Variants in RGS7 observed in about 807,000 individuals in gnomAD.
The protein encoded by RGS7 is regulator of G protein signaling 7.
In RGS7, 27 loss-of-function variants were observed where a neutral mutation model predicts 81.1. The observed-to-expected ratio is 0.33, with a 90% CI of 0.25 to 0.46. The LOEUF (loss-of-function observed/expected upper bound fraction) is 0.46. Ranked by LOEUF, RGS7 falls within the 20% of genes least tolerant of loss-of-function variation. The pLI, the probability that RGS7 is intolerant of heterozygous loss-of-function variation, is 1.00. For missense variants in RGS7, 396 were observed against 607.4 expected (o/e 0.65, Z 3.66); for synonymous variants, 208 against 207.7 (o/e 1.00, Z -0.01).
At chr1:241,343,455 T>C (rs979521725) in intron 2 of RGS7, among the ~76,000 whole-genome samples, 1 of 152,158 alleles carries the variant, frequency 6.6e-6, no homozygotes, top group South Asian at 2.1e-4. Flanking sequence ...ATAAACAAAA[T>C]GCAGTAAATA....
intron 2 of RGS7, among the ~76,000 whole-genome samples, chr1:241,116,653 A>AT (rs897039175): frequency 4.6e-5 from 7 of 152,016 alleles, no homozygotes; most frequent in Non-Finnish European, 8.8e-5. Context: ...CATTCTGTAA[A>AT]TTTTTTTTAG....
At chr1:240,797,615 G>C (rs1371153011) in intron 18 of RGS7, among the ~76,000 whole-genome samples, 1 of 152,150 alleles carries the variant, frequency 6.6e-6, no homozygotes, top group African/African-American at 2.4e-5. Flanking sequence ...GCCTCTCAAA[G>C]TGCTGGGATT....
chr1:241,107,439 A>G (rs1278369627), intron 2 of RGS7, among the ~76,000 whole-genome samples: 4 of 152,206 alleles, frequency 2.6e-5, no homozygotes, highest in African/African-American at 7.2e-5. Flanking sequence ...GGAAAGGCTG[A>G]AAGGTGCCAT....
chr1:240,940,608 G>C (rs927278338), intron 4 of RGS7, among the ~76,000 whole-genome samples: 10 of 152,112 alleles, frequency 6.6e-5, no homozygotes, highest in African/African-American at 2.2e-4. Flanking sequence ...GGAAATCTGC[G>C]GAGTATAGAT....
chr1:241,234,039 A>G lies in RGS7; in HGVS notation c.78+121660T>C, dbSNP rs558591541. Among the ~76,000 whole-genome samples the G allele has an allele frequency of 3.7e-4, 57 of 152,214 alleles. 1 individual carries two copies. The highest frequency in any genetic ancestry group is 1.2e-3 in the African/African-American group (51 of 41,536). On this transcript the variant is annotated intron_variant, in intron 2 of 18. Transcript: ENST00000440928. The stretch of plus-strand genomic sequence containing the variant: ...TACCCTGCAACCTTATGATGTTTTT[A>G]CTTAAATTTAATTTCAACCTCAAGT...
intron 10 of RGS7, among the ~76,000 whole-genome samples, chr1:240,821,324 T>C (rs61832422): frequency 6.6e-6 from 1 of 152,048 alleles, no homozygotes; most frequent in South Asian, 2.1e-4. Flanking sequence ...TGGTGGCACA[T>C]GCCTGTAGTC....
intron 3 of RGS7, among the ~76,000 whole-genome samples, chr1:241,007,285 C>T (rs1277501022): frequency 2.0e-5 from 3 of 152,068 alleles, no homozygotes; most frequent in African/African-American, 7.2e-5. Flanking sequence ...AACACATTAT[C>T]GTAAGAACAC....
At chr1:240,956,865 G>A (rs545842230) in intron 4 of RGS7, among the ~76,000 whole-genome samples, 4 of 151,552 alleles carry the variant, frequency 2.6e-5, no homozygotes, top group Admixed American at 6.6e-5. Flanking sequence ...AAAAAAAAAC[G>A]TTAAACAAAT....
At chr1:240,828,322 G>A (rs1175835930) in intron 9 of RGS7, among the ~76,000 whole-genome samples, 1 of 152,064 alleles carries the variant, frequency 6.6e-6, no homozygotes, top group African/African-American at 2.4e-5. Context: ...AGAGGGGAAG[G>A]GAGAGAACAT....
Position 241,084,198 on chromosome 1 carries a change from A to G in RGS7, c.175+14468T>C, listed in dbSNP as rs184102386. ...GCCTACGTTAATTAATCATCTTTCC[A>G]TAACACTGAGACATATTCATCCAAC... On this transcript the variant is annotated intron_variant, in intron 3 of 18. Transcript: ENST00000440928. Among the ~76,000 whole-genome samples, 181 of 152,300 alleles carry G rather than the reference A, an allele frequency of 1.2e-3. 3 individuals are homozygous for G. Among genetic ancestry groups the G allele is most frequent in the Admixed American group, 0.01 (160 of 15,292 alleles).
chr1:241,180,267 C>T (rs999626247), intron 2 of RGS7, among the ~76,000 whole-genome samples: 3 of 151,836 alleles, frequency 2.0e-5, no homozygotes, highest in Admixed American at 6.6e-5. Flanking sequence ...CTCAGCTACT[C>T]GGGAGGCTGA....
intron 6 of RGS7, among the ~76,000 whole-genome samples, chr1:240,901,903 T>G (rs1335167017): frequency 1.3e-5 from 2 of 152,242 alleles, no homozygotes; most frequent in Admixed American, 6.5e-5. Flanking sequence ...ATATTTTCTC[T>G]GATACACCTA....
chr1:240,998,724 G>A (rs979724227), intron 3 of RGS7: 30 of 950,894 alleles, frequency 3.2e-5, no homozygotes, highest in Admixed American at 7.0e-5. Context: ...CTTATTCTCC[G>A]TGACGGTCAC....
intron 2 of RGS7, among the ~76,000 whole-genome samples, chr1:241,336,275 A>G (rs1391176870): frequency 1.3e-5 from 2 of 152,208 alleles, no homozygotes. Context: ...GACTTCATTT[A>G]GCACTAAGTC....
At chr1:241,196,407 G>C (rs1394102297) in intron 2 of RGS7, among the ~76,000 whole-genome samples, 1 of 152,044 alleles carries the variant, frequency 6.6e-6, no homozygotes, top group East Asian at 1.9e-4. Flanking sequence ...CCATCTGTTT[G>C]AAGTCATCAG....
intron 3 of RGS7, among the ~76,000 whole-genome samples, chr1:241,094,231 A>G (rs1008639193): frequency 4.1e-5 from 6 of 147,648 alleles, no homozygotes; most frequent in Non-Finnish European, 8.9e-5. Context: ...AGTGCCAGAC[A>G]TACATAAACA....
At chr1:241,016,672 T>C (rs1235593538) in intron 3 of RGS7, among the ~76,000 whole-genome samples, 1 of 152,182 alleles carries the variant, frequency 6.6e-6, no homozygotes, top group Non-Finnish European at 1.5e-5. Context: ...ACTAGAGTAC[T>C]AATGTCTCTA....
Position 241,330,549 on chromosome 1 carries a change from C to T in RGS7, c.78+25150G>A, listed in dbSNP as rs948077587. Among the ~76,000 whole-genome samples the T allele has an allele frequency of 4.6e-5, 7 of 152,212 alleles. 1 individual carries two copies. The South Asian group carries it at 6.2e-4, about 14-fold the overall frequency. On this transcript the variant is annotated intron_variant, in intron 2 of 18. Coordinates refer to ENST00000440928, the MANE Select transcript of RGS7 (RefSeq NM_001364886.1). The stretch of plus-strand genomic sequence containing the variant: ...AGCTCAGTGTGACCTGAAAGTGTAA[C>T]GGGGACAATAAAACAATGAAGCTCT...
At chr1:241,127,433 A>G (rs1448586866) in intron 2 of RGS7, among the ~76,000 whole-genome samples, 2 of 152,200 alleles carry the variant, frequency 1.3e-5, no homozygotes, top group Non-Finnish European at 2.9e-5. Flanking sequence ...TCAGCAAACT[A>G]TCGCAAGGAC....
Sources: gnomAD v4.1 joint callset for allele counts (sites outside exome capture counted in the v4.1 genomes callset) on GRCh38, gnomAD v4.1.1 for gene constraint, MANE v1.5 for transcripts, NCBI Gene and HGNC (gene_info 2026-07-23, HGNC 2026-07-21) for gene names.